RP1: variants seen among roughly 807,000 people sequenced by gnomAD.
RP1 encodes the protein RP1 axonemal microtubule associated, also known as oxygen-regulated protein 1.
In RP1, 16 loss-of-function variants were observed where a neutral mutation model predicts 14.8. The observed-to-expected ratio is 1.08, with a 90% CI of 0.73 to 1.65. RP1 has a LOEUF of 1.65. Among genes scored for constraint, RP1 ranks in the 40% most tolerant of loss-of-function variants. The pLI, the probability that RP1 is intolerant of heterozygous loss-of-function variation, is 0.00. For missense variants in RP1, 2,631 were observed against 2,535.0 expected (o/e 1.04, Z -0.81); for synonymous variants, 876 against 883.6 (o/e 0.99, Z 0.15).
At chr8:54,739,138 G>C (rs2129358304) in intron 19 of RP1, 1 of 642,488 alleles carries the variant, frequency 1.6e-6, no homozygotes, top group Non-Finnish European at 2.5e-6. Context: ...GATGCTCCTT[G>C]ACTTACAGTG....
At chr8:54,604,401 G>T (rs1346205953) in intron 1 of RP1, among the ~76,000 whole-genome samples, 2 of 152,192 alleles carry the variant, frequency 1.3e-5, no homozygotes, top group African/African-American at 4.8e-5. Context: ...CTTGATCATG[G>T]TGGATAAGCT....
At chr8:54,694,735 G>A (rs1447086801) in intron 12 of RP1, among the ~76,000 whole-genome samples, 16 of 150,856 alleles carry the variant, frequency 1.1e-4, no homozygotes, top group Admixed American at 2.6e-4. Flanking sequence ...TCTTGCTAGC[G>A]GTCTATCAAT....
chr8:54,649,194 C>T (rs1358985641), intron 4 of RP1: 2 of 1,342,958 alleles, frequency 1.5e-6, no homozygotes, highest in East Asian at 2.7e-5. Flanking sequence ...AGTGATACAC[C>T]TAGTAGGTAC....
At chr8:54,828,802 C>T (rs1009136274) in intron 24 of RP1, among the ~76,000 whole-genome samples, 5 of 151,536 alleles carry the variant, frequency 3.3e-5, no homozygotes, top group African/African-American at 1.2e-4. Flanking sequence ...ATGACGGCTA[C>T]GATGTCACTA....
At chr8:54,833,312 A>T (rs1182035460) in intron 24 of RP1, among the ~76,000 whole-genome samples, 1 of 151,866 alleles carries the variant, frequency 6.6e-6, no homozygotes, top group Non-Finnish European at 1.5e-5. Context: ...ACAAATATAG[A>T]TATTGGCTAT....
chr8:54,683,213 A>G (rs762582335), intron 12 of RP1, among the ~76,000 whole-genome samples: 3 of 152,142 alleles, frequency 2.0e-5, no homozygotes, highest in Non-Finnish European at 2.9e-5. Flanking sequence ...GCCTTATAGC[A>G]TAGTTTGAAG....
At chr8:54,760,675 T>C (rs899187486) in intron 22 of RP1, among the ~76,000 whole-genome samples, 5 of 152,156 alleles carry the variant, frequency 3.3e-5, no homozygotes, top group Non-Finnish European at 5.9e-5. Context: ...TGCTGTCCTC[T>C]TACAAGATCT....
chr8:54,625,572 A>G lies in RP1; in HGVS notation c.1690A>G (p.Asn564Asp), dbSNP rs762576427. 1.2e-6 allele frequency: 2 copies of G among 1,613,966 alleles called. No individual in the cohort carries two copies. Among genetic ancestry groups the G allele is most frequent in the Non-Finnish European group, 8.5e-7 (1 of 1,180,004 alleles). Residue 564 changes from asparagine (N) to aspartate (D), a missense_variant, in exon 4 of 4, where the codon AAT (asparagine) becomes GAT (aspartate). Physicochemically the swap from Asn to Asp is conservative, Grantham distance 23 (BLOSUM62 1). Transcript: ENST00000220676. ...SQKMLEMSHN[N>D]GLPSTISNNS... ...GAAGATGTTAGAGATGTCACATAAT[A>G]ATGGTTTGCCATCAACTATATCAAA...
At chr8:54,785,548 G>A (rs1337522282) in intron 24 of RP1, among the ~76,000 whole-genome samples, 1 of 151,794 alleles carries the variant, frequency 6.6e-6, no homozygotes, top group African/African-American at 2.4e-5. Flanking sequence ...CATAAACTTG[G>A]GTATATACCT....
chr8:54,776,966 C>T (rs1028093034), intron 23 of RP1, among the ~76,000 whole-genome samples: 2 of 152,208 alleles, frequency 1.3e-5, no homozygotes, highest in East Asian at 1.9e-4. Context: ...GTTAGCAGTG[C>T]TGCTGCTCAG....
intron 13 of RP1, among the ~76,000 whole-genome samples, chr8:54,700,709 G>A (rs1303508609): frequency 6.6e-6 from 1 of 152,178 alleles, no homozygotes; most frequent in Non-Finnish European, 1.5e-5. Context: ...GTTGCAGTAG[G>A]TTGGTGGGAG....
At chr8:54,593,473 G>A (rs1352635146) in intron 1 of RP1, among the ~76,000 whole-genome samples, 1 of 152,092 alleles carries the variant, frequency 6.6e-6, no homozygotes, top group East Asian at 1.9e-4. Context: ...GTAAATCCCA[G>A]TCTCTCAGCT....
At chr8:54,651,267 G>A (rs1208172490) in intron 4 of RP1, among the ~76,000 whole-genome samples, 2 of 152,058 alleles carry the variant, frequency 1.3e-5, no homozygotes, top group South Asian at 4.1e-4. Flanking sequence ...ATGTCTTTGG[G>A]TTTGTTATCA....
In RP1 at chr8:54,625,482, A is replaced by G. The variant is rs1806012226; in HGVS notation, c.1600A>G (p.Lys534Glu). The G allele has an allele frequency of 6.2e-7, 1 of 1,614,016 alleles. No individual in the cohort carries two copies. The highest frequency in any genetic ancestry group is 1.1e-5 in the South Asian group (1 of 91,078). The change falls in exon 4 of 4, where the codon AAA (lysine) becomes GAA (glutamate). Residue 534 changes from lysine (K) to glutamate (E), a missense_variant. Coordinates refer to ENST00000220676, the MANE Select transcript of RP1 (RefSeq NM_006269.2). ...DQMEESSLER[K>E]KENSLLKSSA... ...AATGGAGGAGTCATCATTAGAAAGA[A>G]AAAAGGAAAACAGTCTGCTTAAGTC...
intron 12 of RP1, chr8:54,696,308 TA>T (rs1225017086): frequency 2.3e-6 from 1 of 432,202 alleles, no homozygotes; most frequent in African/African-American, 2.1e-5. Flanking sequence ...TCAAAATTTT[TA>T]GTTAATACAA....
chr8:54,680,551 C>T (rs1043312593), intron 12 of RP1, among the ~76,000 whole-genome samples: 7 of 152,192 alleles, frequency 4.6e-5, no homozygotes, highest in African/African-American at 1.7e-4. Context: ...GGAAACCGTG[C>T]TGTTCAGTCT....
chr8:54,783,264 A>G (rs1810233011), intron 23 of RP1, among the ~76,000 whole-genome samples: 1 of 152,144 alleles, frequency 6.6e-6, no homozygotes, highest in Non-Finnish European at 1.5e-5. Flanking sequence ...TATTTCAGCT[A>G]AACACTTAGT....
intron 24 of RP1, among the ~76,000 whole-genome samples, chr8:54,822,098 G>A (rs550401251): frequency 1.3e-5 from 2 of 152,282 alleles, no homozygotes; most frequent in South Asian, 4.1e-4. Context: ...ATTTGAAAGA[G>A]AAAAGTGAAT....
At chr8:54,567,757 T>C (rs138075244) in intron 1 of RP1, among the ~76,000 whole-genome samples, 1 of 152,190 alleles carries the variant, frequency 6.6e-6, no homozygotes, top group East Asian at 1.9e-4. Flanking sequence ...GAAATGCTTG[T>C]GATTGGTGTG....
Sources: gnomAD v4.1 joint callset for allele counts (sites outside exome capture counted in the v4.1 genomes callset) on GRCh38, gnomAD v4.1.1 for gene constraint, MANE v1.5 for transcripts, NCBI Gene and HGNC (gene_info 2026-07-23, HGNC 2026-07-21) for gene names.